The following IL1RAPL1 variants were observed in gnomAD, a reference collection of about 807,000 sequenced individuals.
IL1RAPL1 encodes interleukin-1 receptor accessory protein-like 1.
In IL1RAPL1, 3 loss-of-function variants were observed where a neutral mutation model predicts 48.4. That is an observed-to-expected ratio of 0.06 (90% confidence interval 0.03 to 0.16). The LOEUF (loss-of-function observed/expected upper bound fraction) is 0.16, where lower values mean the gene tolerates loss of function less well. IL1RAPL1 is among the 10% of genes least tolerant of loss of function. The pLI is 1.00. For missense variants in IL1RAPL1, 349 were observed against 530.6 expected (o/e 0.66, Z 3.36); for synonymous variants, 185 against 187.7 (o/e 0.99, Z 0.12).
chrX:29,700,059 C>G (rs1036390987), intron 6 of IL1RAPL1, among the ~76,000 whole-genome samples: 1 of 111,050 alleles, frequency 9.0e-6, no homozygotes, highest in Non-Finnish European at 1.9e-5. Flanking sequence ...ATTGGTGCCT[C>G]TGTTTTCTCT....
At chrX:29,755,881 G>A (rs780340440) in intron 6 of IL1RAPL1, among the ~76,000 whole-genome samples, 1 of 111,836 alleles carries the variant, frequency 8.9e-6, no homozygotes, top group Non-Finnish European at 1.9e-5. Flanking sequence ...AAAATGAAAT[G>A]CGATGTGGAT....
intron 2 of IL1RAPL1, among the ~76,000 whole-genome samples, chrX:28,801,363 C>G (rs1229370887): frequency 9.0e-6 from 1 of 110,930 alleles, no homozygotes; most frequent in East Asian, 2.8e-4. Flanking sequence ...CAATCAAAAA[C>G]TTCTTTTAGC....
chrX:29,659,244 A>G (rs1165806151), intron 5 of IL1RAPL1, among the ~76,000 whole-genome samples: 1 of 111,959 alleles, frequency 8.9e-6, no homozygotes, highest in Non-Finnish European at 1.9e-5. Flanking sequence ...CAACCATTCT[A>G]TTCTCTACCT....
rs781120488 is a variant in IL1RAPL1 at position 29,396,006 on chromosome X, A to G, written c.363-252A>G. On this transcript the variant is annotated intron_variant, in intron 3 of 10. Transcript: ENST00000378993. ...ACAAAATATCTATTAAACATTTTAA[A>G]ACTTAACCTGAATGTAAAACAAAAC... 1.4e-4 allele frequency among the ~76,000 whole-genome samples: 16 copies of G among 112,559 alleles called. No individual in the cohort carries two copies. The South Asian group carries it at 3.3e-3, about 23-fold the overall frequency.
chrX:28,677,825 T>G (rs1935015527), intron 1 of IL1RAPL1, among the ~76,000 whole-genome samples: 1 of 111,300 alleles, frequency 9.0e-6, no homozygotes, highest in Non-Finnish European at 1.9e-5. Context: ...TGACCTCAGG[T>G]GATCTGCCTC....
intron 2 of IL1RAPL1, among the ~76,000 whole-genome samples, chrX:28,844,832 G>A (rs766128148): frequency 1.3e-4 from 15 of 111,534 alleles, no homozygotes; most frequent in Non-Finnish European, 2.8e-4. Context: ...GAGATATGGT[G>A]TTTCCTTTAG....
intron 5 of IL1RAPL1, among the ~76,000 whole-genome samples, chrX:29,575,249 G>T (rs768417198): frequency 4.5e-5 from 5 of 112,034 alleles, no homozygotes; most frequent in Non-Finnish European, 7.5e-5. Context: ...GTATATATCA[G>T]AGGAAGTTTA....
At chrX:29,939,500 C>A (rs1017065316) in intron 8 of IL1RAPL1, among the ~76,000 whole-genome samples, 1 of 111,746 alleles carries the variant, frequency 8.9e-6, no homozygotes, top group Non-Finnish European at 1.9e-5. Flanking sequence ...AGCCGCTCAC[C>A]CTTTCTGTTC....
At chrX:29,480,917 A>G (rs1935036148) in intron 5 of IL1RAPL1, among the ~76,000 whole-genome samples, 1 of 111,831 alleles carries the variant, frequency 8.9e-6, no homozygotes, top group African/African-American at 3.2e-5. Context: ...TACTTGTTCT[A>G]GCAGCTTTCT....
intron 2 of IL1RAPL1, among the ~76,000 whole-genome samples, chrX:29,043,355 T>A (rs779680216): frequency 9.0e-6 from 1 of 111,380 alleles, no homozygotes; most frequent in Non-Finnish European, 1.9e-5. Flanking sequence ...GTAACCTACC[T>A]CTCTTACCAA....
chrX:29,348,902 G>A (rs1226383086), intron 3 of IL1RAPL1, among the ~76,000 whole-genome samples: 1 of 111,649 alleles, frequency 9.0e-6, no homozygotes, highest in Non-Finnish European at 1.9e-5. Context: ...CCCTTTCCTT[G>A]TAACTGCCAA....
At chrX:29,528,666 G>T (rs745344127) in intron 5 of IL1RAPL1, among the ~76,000 whole-genome samples, 1 of 112,099 alleles carries the variant, frequency 8.9e-6, no homozygotes, top group East Asian at 2.8e-4. Flanking sequence ...GAAGGGCTTG[G>T]CCCCTTTGAA....
intron 3 of IL1RAPL1, among the ~76,000 whole-genome samples, chrX:29,292,522 T>G (rs1281304392): frequency 1.8e-5 from 2 of 112,317 alleles, no homozygotes. Context: ...TTATGTAAGT[T>G]ATTTAAAAAA....
intron 5 of IL1RAPL1, among the ~76,000 whole-genome samples, chrX:29,583,840 G>A (rs1478183045): frequency 9.0e-6 from 1 of 111,429 alleles, no homozygotes; most frequent in Non-Finnish European, 1.9e-5. Context: ...AGGATACATT[G>A]GGCATCAGAT....
chrX:28,997,513 A>G (rs1402821863), intron 2 of IL1RAPL1, among the ~76,000 whole-genome samples: 2 of 111,203 alleles, frequency 1.8e-5, no homozygotes, highest in East Asian at 5.7e-4. Flanking sequence ...ATTTAATCTT[A>G]TATGGCCTCA....
At chrX:29,307,433 T>C (rs967299115) in intron 3 of IL1RAPL1, among the ~76,000 whole-genome samples, 5 of 111,122 alleles carry the variant, frequency 4.5e-5, no homozygotes, top group Non-Finnish European at 7.5e-5. Context: ...AACAGCTTAA[T>C]AAATTTAAAT....
intron 2 of IL1RAPL1, among the ~76,000 whole-genome samples, chrX:29,197,988 C>T (rs748535547): frequency 2.7e-5 from 3 of 111,139 alleles, no homozygotes; most frequent in East Asian, 2.9e-4. Flanking sequence ...AGATTACAGG[C>T]GTGAGCCACC....
At position 28,812,006 on chromosome X, in the gene IL1RAPL1, G is replaced by A. The variant is rs73450995; in HGVS notation, c.82+22581G>A. On this transcript the variant is annotated intron_variant, in intron 2 of 10. Transcript: ENST00000378993. The stretch of plus-strand genomic sequence containing the variant: ...TGAGTTGTTTAGGAGAATTATACAT[G>A]ATATAAAGAAAGGTCACAGCCATGT... 5.3e-3 allele frequency among the ~76,000 whole-genome samples: 592 copies of A among 110,715 alleles called. 3 individuals carry two copies. Among genetic ancestry groups the A allele is most frequent in the African/African-American group, 0.018 (555 of 30,637 alleles).
rs972719431 is a variant in IL1RAPL1 at position 29,607,860 on chromosome X, G to T, written c.704-60570G>T. On this transcript the variant is annotated intron_variant, in intron 5 of 10. Transcript: ENST00000378993. Reference sequence around the variant, plus strand: ...CAACCAGCATGTATGAGTGGATAGCGTCAAAATTTCTATCTCCAGTCTCTC... The same window carrying T: ...CAACCAGCATGTATGAGTGGATAGCTTCAAAATTTCTATCTCCAGTCTCTC... Among the ~76,000 whole-genome samples, 3 of 111,889 alleles carry T rather than the reference G, an allele frequency of 2.7e-5. No homozygotes were observed. The Admixed American group carries it at 2.8e-4, about 11-fold the overall frequency.
Sources: allele counts gnomAD v4.1 joint callset (sites outside exome capture counted in the v4.1 genomes callset), GRCh38; gene constraint gnomAD v4.1.1; transcripts MANE v1.5; gene names NCBI Gene and HGNC (gene_info 2026-07-23, HGNC 2026-07-21).